VSNL1: variants seen among roughly 807,000 people sequenced by gnomAD.
The protein encoded by VSNL1 is visinin-like protein 1.
In VSNL1, 6 loss-of-function variants were observed where a neutral mutation model predicts 20.4. The ratio of observed to expected loss-of-function variants is 0.29; its 90% confidence interval spans 0.16 to 0.58. The LOEUF (loss-of-function observed/expected upper bound fraction) is 0.58. VSNL1 is among the 20% of genes least tolerant of loss of function. VSNL1 has a pLI of 0.90. For synonymous variants in VSNL1, 93 were observed against 86.4 expected (o/e 1.08, Z -0.42); for missense variants, 100 against 234.5 (o/e 0.43, Z 3.75).
chr2:17,620,810 G>A (rs1665336995), intron 2 of VSNL1, among the ~76,000 whole-genome samples: 1 of 152,166 alleles, frequency 6.6e-6, no homozygotes, highest in African/African-American at 2.4e-5. Flanking sequence ...ATCTGCTAGT[G>A]TAAAACAGTA....
chr2:17,607,400 T>C (rs1362174545), intron 2 of VSNL1, among the ~76,000 whole-genome samples: 1 of 152,220 alleles, frequency 6.6e-6, no homozygotes. Flanking sequence ...TAAAATGTGG[T>C]ACAAAGGCAG....
At chr2:17,549,389 TACATACATACAC>T (rs1663475282) in intron 1 of VSNL1, among the ~76,000 whole-genome samples, 1 of 152,206 alleles carries the variant, frequency 6.6e-6, no homozygotes, top group Non-Finnish European at 1.5e-5. Context: ...GATAGATAGA[TACATACATACAC>T]ACATACATGA....
At chr2:17,567,418 G>C (rs1663976660) in intron 1 of VSNL1, 1 of 145,504 alleles carries the variant, frequency 6.9e-6, no homozygotes, top group South Asian at 2.2e-4. Flanking sequence ...GAGTGCGGTG[G>C]CGCGATCTCG....
At chr2:17,644,982 G>A (rs1443236077) in intron 2 of VSNL1, among the ~76,000 whole-genome samples, 4 of 152,252 alleles carry the variant, frequency 2.6e-5, no homozygotes, top group Non-Finnish European at 5.9e-5. Flanking sequence ...ACCCAAGTGA[G>A]GGTGTTTTAA....
At chr2:17,613,704 T>C (rs1261005123) in intron 2 of VSNL1, among the ~76,000 whole-genome samples, 1 of 152,220 alleles carries the variant, frequency 6.6e-6, no homozygotes, top group East Asian at 1.9e-4. Context: ...TGCTCAGCTG[T>C]TCCCTGTGCT....
At chr2:17,583,875 G>A (rs918438277) in intron 1 of VSNL1, among the ~76,000 whole-genome samples, 4 of 152,174 alleles carry the variant, frequency 2.6e-5, no homozygotes, top group Admixed American at 2.6e-4. Flanking sequence ...TGCTGTCTAG[G>A]CCTGAATCTT....
chr2:17,631,697 A>G (rs1444474646), intron 2 of VSNL1, among the ~76,000 whole-genome samples: 1 of 152,252 alleles, frequency 6.6e-6, no homozygotes, highest in African/African-American at 2.4e-5. Flanking sequence ...CATATAATGG[A>G]ATATTAATCA....
At chr2:17,592,268 T>C in intron 2 of VSNL1, 32 bp downstream of exon 2, 2 of 1,609,076 alleles carry the variant, frequency 1.2e-6, no homozygotes, top group Non-Finnish European at 1.7e-6. Context: ...TTTTTATTCC[T>C]TAGGCCAGAA....
intron 1 of VSNL1, among the ~76,000 whole-genome samples, chr2:17,555,805 A>G (rs926425544): frequency 6.6e-6 from 1 of 152,148 alleles, no homozygotes; most frequent in Non-Finnish European, 1.5e-5. Flanking sequence ...CCCCAACCCT[A>G]CTGTGACACT....
At chr2:17,590,980 T>TTTA (rs571458317) in intron 1 of VSNL1, among the ~76,000 whole-genome samples, 58 of 152,132 alleles carry the variant, frequency 3.8e-4, no homozygotes, top group Non-Finnish European at 1.8e-4. Flanking sequence ...TGTTAATTCT[T>TTTA]TTATTATTAT....
chr2:17,573,195 T>C (rs1259077199), intron 1 of VSNL1, among the ~76,000 whole-genome samples: 1 of 152,162 alleles, frequency 6.6e-6, no homozygotes, highest in Non-Finnish European at 1.5e-5. Flanking sequence ...TTTTGGAAAA[T>C]GCAAATTTAC....
chr2:17,640,978 G>GAA (rs1410972952), intron 2 of VSNL1, among the ~76,000 whole-genome samples: 3 of 152,172 alleles, frequency 2.0e-5, no homozygotes, highest in African/African-American at 7.2e-5. Flanking sequence ...TCTGCAGATA[G>GAA]AACATGCCTG....
chr2:17,616,142 C>T (rs1355196786), intron 2 of VSNL1, among the ~76,000 whole-genome samples: 3 of 152,248 alleles, frequency 2.0e-5, no homozygotes, highest in Non-Finnish European at 4.4e-5. Context: ...CACTAGCTCA[C>T]ATGGGTGGCT....
At chr2:17,620,789 A>G (rs939557547) in intron 2 of VSNL1, among the ~76,000 whole-genome samples, 7 of 152,268 alleles carry the variant, frequency 4.6e-5, no homozygotes, top group African/African-American at 1.7e-4. Flanking sequence ...TGCAAAGATC[A>G]TACAACCTTC....
intron 2 of VSNL1, among the ~76,000 whole-genome samples, chr2:17,622,605 G>GAAAGAAAGAAAAGAAAGAAAGA (rs1665412477): frequency 7.4e-6 from 1 of 134,350 alleles, no homozygotes; most frequent in Admixed American, 7.3e-5. Flanking sequence ...AGAAAGAAAA[G>GAAAGAAAGAAAAGAAAGAAAGA]AAAGAAAGAT....
intron 1 of VSNL1, among the ~76,000 whole-genome samples, chr2:17,557,729 T>A (rs1286488731): frequency 6.6e-6 from 1 of 152,198 alleles, no homozygotes; most frequent in African/African-American, 2.4e-5. Context: ...ATTTTATTCC[T>A]CACTCACAAG....
intron 2 of VSNL1, among the ~76,000 whole-genome samples, chr2:17,645,487 G>A (rs1282595763): frequency 6.6e-6 from 1 of 152,266 alleles, no homozygotes; most frequent in African/African-American, 2.4e-5. Flanking sequence ...GGATAGGGGT[G>A]CAGAGGAAAT....
At chr2:17,566,063 A>C (rs1215275118) in intron 1 of VSNL1, among the ~76,000 whole-genome samples, 1 of 152,216 alleles carries the variant, frequency 6.6e-6, no homozygotes, top group Non-Finnish European at 1.5e-5. Flanking sequence ...TCTTTTTTTT[A>C]ATAAATTATC....
upstream of VSNL1, chr2:17,540,550 T>A (rs1663255777): frequency 6.5e-6 from 1 of 152,732 alleles, no homozygotes; most frequent in South Asian, 2.1e-4. Context: ...AGGCGGCTTT[T>A]GGTCACAGGC....
Sources: gnomAD v4.1 joint callset for allele counts (sites outside exome capture counted in the v4.1 genomes callset) on GRCh38, gnomAD v4.1.1 for gene constraint, MANE v1.5 for transcripts, NCBI Gene and HGNC (gene_info 2026-07-23, HGNC 2026-07-21) for gene names.